CHDH: variants seen among roughly 807,000 people sequenced by gnomAD.
CHDH encodes choline dehydrogenase, mitochondrial.
Under a neutral mutation model 56.9 loss-of-function variants are expected in CHDH, and 43 were observed. The observed-to-expected ratio is 0.76, with a 90% CI of 0.59 to 0.97. The LOEUF (loss-of-function observed/expected upper bound fraction) is 0.97. Among genes scored for constraint, CHDH ranks in the 50% least tolerant of loss-of-function variants. CHDH has a pLI of 0.00. For missense variants in CHDH, 816 were observed against 821.1 expected, an observed-to-expected ratio of 0.99 and a Z score of 0.08; for synonymous variants, 364 against 348.5, an observed-to-expected ratio of 1.04 and a Z score of -0.50.
chr3:53,823,858 C>T lies in CHDH; in HGVS notation c.151G>A (p.Ala51Thr). 6.3e-7 allele frequency: 1 copy of T among 1,591,008 alleles called. No homozygotes were observed. Among genetic ancestry groups the T allele is most frequent in the Non-Finnish European group, 8.5e-7 (1 of 1,175,978 alleles). ...YSYVVVGAGS[A>T]GCVLAGRLTE... ...AGCCTCCCAGCCAGCACGCAGCCCGCCGAGCCCGCGCCCACCACCACATAG... is the reference window on the plus strand; with the variant it reads ...AGCCTCCCAGCCAGCACGCAGCCCGTCGAGCCCGCGCCCACCACCACATAG... Residue 51 changes from alanine to threonine, a missense_variant, in exon 3 of 9, where the codon GCG becomes ACG. Coordinates refer to ENST00000315251, the MANE Select transcript of CHDH (RefSeq NM_018397.5).
intron 2 of CHDH, among the ~76,000 whole-genome samples, chr3:53,831,338 C>T (rs563171965): frequency 4.6e-5 from 7 of 152,336 alleles, no homozygotes; most frequent in East Asian, 3.9e-4. Flanking sequence ...GGAAACTTGC[C>T]GCCCCAAAGG....
At position 53,834,841 on chromosome 3, in the gene CHDH, G is replaced by C. The variant is rs115665936; in HGVS notation, c.-60+6088C>G. ...TGTGCCCTGTAGGATTAGATCCTTT[G>C]GCCATTACAGTCCTAGCTTTCACTG... On this transcript the variant is annotated intron_variant, in intron 2 of 8. Coordinates refer to ENST00000315251, the MANE Select transcript of CHDH (RefSeq NM_018397.5). Among the ~76,000 whole-genome samples the C allele has an allele frequency of 7.0e-3, 1,063 of 152,270 alleles. 16 individuals carry two copies. The highest frequency in any genetic ancestry group is 0.025 in the African/African-American group (1,040 of 41,552).
chr3:53,839,491 T>C (rs1010334759), intron 2 of CHDH, among the ~76,000 whole-genome samples: 4 of 152,200 alleles, frequency 2.6e-5, no homozygotes, highest in Non-Finnish European at 5.9e-5. Flanking sequence ...ACCCTGCTCA[T>C]CTGAACACTG....
rs2095610795 is a variant in CHDH, at chr3:53,813,811, T to C, written c.*3966A>G. The C allele has an allele frequency of 6.6e-6, 1 of 152,150 alleles. No individual in the cohort carries two copies. The highest frequency in any genetic ancestry group is 2.1e-4 in the South Asian group (1 of 4,824). 9.4% of individuals were successfully genotyped at this position (152,150 alleles called of 1,614,324 possible). A position where few individuals can be genotyped will look rare whatever the true frequency, so the allele number is the denominator to read the frequency against. On this transcript the variant is annotated 3_prime_UTR_variant, in exon 9 of 9. Transcript: ENST00000315251. ...AAGATGAAATGTTTTTCCTTTTTGG[T>C]CCCCTCCCCATCTGAAAAACACACA... is the stretch of plus-strand genomic sequence containing the variant.
intron 2 of CHDH, 73 bp from the exon 3 acceptor site, chr3:53,824,140 G>T: frequency 1.2e-6 from 1 of 853,710 alleles, no homozygotes; most frequent in Non-Finnish European, 1.7e-6. Flanking sequence ...GGCCTGCCGG[G>T]ACAGGGTGCA....
chr3:53,843,182 C>T (rs1285741023), intron 1 of CHDH, among the ~76,000 whole-genome samples: 2 of 91,250 alleles, frequency 2.2e-5, no homozygotes, highest in African/African-American at 3.6e-5. Context: ...GAATTTCCCC[C>T]CCCACCTTTT....
At chr3:53,837,691 C>T (rs1407709815) in intron 2 of CHDH, among the ~76,000 whole-genome samples, 1 of 152,156 alleles carries the variant, frequency 6.6e-6, no homozygotes, top group Non-Finnish European at 1.5e-5. Context: ...CCTCTGCACA[C>T]ATCCCTCCAC....
chr3:53,842,678 G>A (rs1305703776), intron 1 of CHDH, among the ~76,000 whole-genome samples: 9 of 152,160 alleles, frequency 5.9e-5, no homozygotes, highest in African/African-American at 1.7e-4. Flanking sequence ...CTGAGTCTGC[G>A]GGCTTTCCTG....
chr3:53,836,546 T>A (rs1012401685), intron 2 of CHDH, among the ~76,000 whole-genome samples: 2 of 152,366 alleles, frequency 1.3e-5, no homozygotes, highest in Non-Finnish European at 2.9e-5. Context: ...ATCCTGGGAC[T>A]TCTCTGTGCC....
rs1269979792 is a variant in CHDH at position 53,813,709 on chromosome 3, A to G, written c.*4068T>C. The G allele has an allele frequency of 1.3e-5, 2 of 152,220 alleles. No homozygotes were observed. Among genetic ancestry groups the G allele is most frequent in the Admixed American group, 6.5e-5 (1 of 15,282 alleles). 9.4% of individuals were successfully genotyped at this position (152,220 alleles called of 1,614,324 possible). A position where few individuals can be genotyped will look rare whatever the true frequency, so the allele number is the denominator to read the frequency against. On this transcript the variant is annotated 3_prime_UTR_variant, in exon 9 of 9. Transcript: ENST00000315251. ...AGCCTGGTTCAACCTCTCATCGAAT[A>G]TTAAATTTTTCTTTGTAAGAAAAAT...
intron 6 of CHDH, 92 bp downstream of exon 6, chr3:53,820,382 C>G: frequency 1.4e-6 from 2 of 1,452,040 alleles, no homozygotes; most frequent in Non-Finnish European, 1.9e-6. Flanking sequence ...CCGCATCAAA[C>G]CCAGTGGCCA....
At position 53,814,015 on chromosome 3, in the gene CHDH, A is replaced by G. The variant is rs989328565; in HGVS notation, c.*3762T>C. The G allele has an allele frequency of 2.0e-5, 3 of 152,030 alleles. No individual in the cohort carries two copies. Among genetic ancestry groups the G allele is most frequent in the Non-Finnish European group, 4.4e-5 (3 of 68,032 alleles). 9.4% of individuals were successfully genotyped at this position (152,030 alleles called of 1,614,324 possible). A position where few individuals can be genotyped will look rare whatever the true frequency, so the allele number is the denominator to read the frequency against. On this transcript the variant is annotated 3_prime_UTR_variant, in exon 9 of 9. Transcript: ENST00000315251. ...CACCCAGACAGCTGGATCTCGCTTC[A>G]CCATGTGGCACTTTCCAGCTCTATC...
At chr3:53,832,445 T>C (rs1304875851) in intron 2 of CHDH, among the ~76,000 whole-genome samples, 1 of 151,930 alleles carries the variant, frequency 6.6e-6, no homozygotes. Context: ...GGCAGGAGAA[T>C]GGTGTGAACC....
At position 53,812,452 on chromosome 3, in the gene CHDH, CT is replaced by C. The variant is rs1222297590; in HGVS notation, c.*5324del. On this transcript the variant is annotated 3_prime_UTR_variant, in exon 9 of 9. Coordinates refer to ENST00000315251, the MANE Select transcript of CHDH (RefSeq NM_018397.5). ...TTTTGAGTCACTATAAACCTATCAT[CT>C]TTCCACAAGATATACCAGATGACTA... 1 of 152,208 alleles carries C rather than the reference CT, an allele frequency of 6.6e-6. No individual in the cohort carries two copies. Among genetic ancestry groups the C allele is most frequent in the Non-Finnish European group, 1.5e-5 (1 of 68,036 alleles). The allele number at this position is 152,208 out of a possible 1,614,324, so 9.4% of individuals were successfully genotyped here.
At position 53,814,588 on chromosome 3, in the gene CHDH, T is replaced by G. The variant is rs2095612570; in HGVS notation, c.*3189A>C. On this transcript the variant is annotated 3_prime_UTR_variant, in exon 9 of 9. Coordinates refer to ENST00000315251, the MANE Select transcript of CHDH (RefSeq NM_018397.5). ...AAAAAATCTGTATTGGATCTGATGT[T>G]AAGTTGGCTTATCAGTAGAAGCATG... 1.3e-5 allele frequency: 2 copies of G among 152,178 alleles called. No individual in the cohort carries two copies. The highest frequency in any genetic ancestry group is 6.5e-5 in the Admixed American group (1 of 15,286). 9.4% of individuals were successfully genotyped at this position (152,178 alleles called of 1,614,324 possible).
chr3:53,828,626 G>A (rs954665170), intron 2 of CHDH, among the ~76,000 whole-genome samples: 6 of 152,154 alleles, frequency 3.9e-5, no homozygotes, highest in South Asian at 2.1e-4. Flanking sequence ...CAGACAGATG[G>A]CAAAGATGCA....
In CHDH at chr3:53,817,944, G is replaced by C. The variant is rs1449067678; in HGVS notation, c.1618C>G (p.Leu540Val). The change falls in exon 9 of 9, where the codon CTC becomes GTC. Residue 540 changes from leucine (L) to valine (V), a missense_variant. Leu to Val is a conservative substitution (Grantham distance 32). Coordinates refer to ENST00000315251, the MANE Select transcript of CHDH (RefSeq NM_018397.5). Reference protein sequence around the residue: ...PQTRVLGVENLRVVDASIMPS... With the variant: ...PQTRVLGVENVRVVDASIMPS... ...ATGATGGAGGCATCGACGACCCTGAGGTTTTCCACCCCGAGGACCCTTGTC... is the reference window on the plus strand; with the variant it reads ...ATGATGGAGGCATCGACGACCCTGACGTTTTCCACCCCGAGGACCCTTGTC... The C allele has an allele frequency of 6.2e-7, 1 of 1,614,196 alleles. No homozygotes were observed. The highest frequency in any genetic ancestry group is 1.1e-5 in the South Asian group (1 of 91,086).
At position 53,819,494 on chromosome 3, in the gene CHDH, A is replaced by G. The variant is rs2095621960; in HGVS notation, c.1263+38T>C. 2 of 1,572,510 alleles carry G rather than the reference A, an allele frequency of 1.3e-6. No homozygotes were observed. The highest frequency in any genetic ancestry group is 2.3e-5 in the East Asian group (1 of 44,056). On this transcript the variant is annotated intron_variant, in intron 7 of 8. Transcript: ENST00000315251. This position sits in a 1 kb window ranked among gnomAD's most constrained non-coding sequence, Gnocchi z 5.4. ...AGCATCTTCCTTCCTGGTGGGAAGG[A>G]GACATCCTGGGAAGCCGAGGCTCTT...
In CHDH at chr3:53,819,403, C is replaced by A. The variant is rs2095621791; in HGVS notation, c.1263+129G>T. 4 of 1,251,618 alleles carry A rather than the reference C, an allele frequency of 3.2e-6. No individual in the cohort carries two copies. In the Admixed American group the frequency reaches 9.3e-5, roughly 29 times the overall value. The allele number at this position is 1,251,618 out of a possible 1,614,324, so 77.5% of individuals were successfully genotyped here. ...CGCTGGGCAGCTGGAAGGCAGGGGACAGGCCTCTGTGTCCCCCACTCTGCA... is the reference window on the plus strand; with the variant it reads ...CGCTGGGCAGCTGGAAGGCAGGGGAAAGGCCTCTGTGTCCCCCACTCTGCA... On this transcript the variant is annotated intron_variant, in intron 7 of 8. Coordinates refer to ENST00000315251, the MANE Select transcript of CHDH (RefSeq NM_018397.5). The surrounding 1 kb of genome is among the most constrained non-coding windows in gnomAD (Gnocchi z 5.4).
Sources: allele counts gnomAD v4.1 joint callset (sites outside exome capture counted in the v4.1 genomes callset), GRCh38; gene constraint gnomAD v4.1.1; non-coding constraint Gnocchi (gnomAD v3.1); transcripts MANE v1.5; gene names NCBI Gene and HGNC (gene_info 2026-07-23, HGNC 2026-07-21).